NRG3: variants seen among roughly 807,000 people sequenced by gnomAD.
NRG3 encodes pro-neuregulin-3, membrane-bound isoform.
A neutral mutation model predicts 66.9 loss-of-function variants in NRG3; 31 were observed. The ratio of observed to expected loss-of-function variants is 0.46; its 90% confidence interval spans 0.35 to 0.63. The LOEUF is 0.63. Ranked by LOEUF, NRG3 falls within the 20% of genes least tolerant of loss-of-function variation. The pLI is 0.00. For synonymous variants in NRG3, 393 were observed against 359.4 expected (o/e 1.09, Z -1.06); for missense variants, 910 against 878.9 (o/e 1.04, Z -0.45).
At chr10:82,904,951 G>A (rs1267185364) in intron 4 of NRG3, among the ~76,000 whole-genome samples, 2 of 152,142 alleles carry the variant, frequency 1.3e-5, no homozygotes, top group East Asian at 3.9e-4. Context: ...TTTCTATCCT[G>A]TAGAAAGCAT....
chr10:82,390,334 G>GT (rs1198752158), intron 2 of NRG3, among the ~76,000 whole-genome samples: 9 of 150,864 alleles, frequency 6.0e-5, no homozygotes, highest in Non-Finnish European at 7.4e-5. Context: ...GTTTGTTTGT[G>GT]TTTTTTTGTG....
intron 1 of NRG3, among the ~76,000 whole-genome samples, chr10:82,051,963 A>G (rs12260749): frequency 0.032 from 4,917 of 151,998 alleles, 274 homozygotes; most frequent in African/African-American, 0.11. Flanking sequence ...TCTTCCATCT[A>G]AAGGTGGGTC....
intron 1 of NRG3, among the ~76,000 whole-genome samples, chr10:81,963,090 C>T (rs1199403102): frequency 1.4e-5 from 2 of 147,890 alleles, no homozygotes; most frequent in African/African-American, 5.1e-5. Flanking sequence ...AGATGTTCTG[C>T]TCATCTTTGG....
chr10:82,329,050 G>C (rs151101216), intron 1 of NRG3, among the ~76,000 whole-genome samples: 2 of 152,314 alleles, frequency 1.3e-5, no homozygotes, highest in East Asian at 3.9e-4. Flanking sequence ...AGGTATACAG[G>C]GGAGTGGAGA....
At chr10:82,325,185 T>C (rs2081800178) in intron 1 of NRG3, among the ~76,000 whole-genome samples, 2 of 151,880 alleles carry the variant, frequency 1.3e-5, no homozygotes, top group Admixed American at 1.3e-4. Context: ...GTTTTCTTTC[T>C]TCCTTTTTTT....
At chr10:82,253,314 C>G (rs2077571563) in intron 1 of NRG3, among the ~76,000 whole-genome samples, 1 of 152,132 alleles carries the variant, frequency 6.6e-6, no homozygotes, top group Admixed American at 6.6e-5. Flanking sequence ...ATTAGTTGCT[C>G]TCTTCCTACT....
chr10:82,819,367 G>T (rs189958131), intron 3 of NRG3, among the ~76,000 whole-genome samples: 28 of 152,260 alleles, frequency 1.8e-4, no homozygotes, highest in Middle Eastern at 3.4e-3. Flanking sequence ...TAGAAAGCTT[G>T]GTGCTAGGAG....
Position 82,501,927 on chromosome 10 carries a change from C to T in NRG3, c.953+143059C>T, listed in dbSNP as rs368582598. The stretch of plus-strand genomic sequence containing the variant: ...AGGATTGTGTCTCTTCTGTTCACTG[C>T]TGTGTTCATGACACCCCAAACACTG... On this transcript the variant is annotated intron_variant, in intron 2 of 8. Coordinates refer to ENST00000372141, the MANE Select transcript of NRG3 (RefSeq NM_001010848.4). Among the ~76,000 whole-genome samples, 277 of 152,244 alleles carry T rather than the reference C, an allele frequency of 1.8e-3. 4 individuals carry two copies. In the South Asian group the frequency reaches 0.019, roughly 10 times the overall value.
At chr10:82,735,935 T>G (rs77647202) in intron 2 of NRG3, among the ~76,000 whole-genome samples, 4 of 31,020 alleles carry the variant, frequency 1.3e-4, no homozygotes, top group South Asian at 9.1e-4. Context: ...AAAAGAAAGA[T>G]AATAGAATAT....
intron 1 of NRG3, among the ~76,000 whole-genome samples, chr10:82,251,548 CCA>C (rs1267239053): frequency 1.3e-5 from 2 of 152,170 alleles, no homozygotes; most frequent in Non-Finnish European, 2.9e-5. Flanking sequence ...GTGATCCTGA[CCA>C]CAGTCTTGTC....
chr10:82,548,672 G>A (rs1200053567), intron 2 of NRG3, among the ~76,000 whole-genome samples: 1 of 151,926 alleles, frequency 6.6e-6, no homozygotes, highest in Non-Finnish European at 1.5e-5. Flanking sequence ...AGTGAAACAG[G>A]CAAGTGGATA....
intron 1 of NRG3, among the ~76,000 whole-genome samples, chr10:82,269,233 G>A (rs1589533741): frequency 6.6e-6 from 1 of 152,218 alleles, no homozygotes; most frequent in East Asian, 1.9e-4. Context: ...GCCTCTAATA[G>A]GAGGTGGTTG....
rs532211145 is a variant in NRG3, at chr10:82,854,665, C to T, written c.1028-10746C>T. On this transcript the variant is annotated intron_variant, in intron 3 of 8. Transcript: ENST00000372141. Reference sequence around the variant, plus strand: ...GCCTTGCCACTAAATATGAGCCTGACTTGAAGAGTAGTTAACAAAATCATT... The same window carrying T: ...GCCTTGCCACTAAATATGAGCCTGATTTGAAGAGTAGTTAACAAAATCATT... Among the ~76,000 whole-genome samples the T allele has an allele frequency of 3.9e-5, 6 of 152,286 alleles. No individual in the cohort carries two copies. In the South Asian group the frequency reaches 1.2e-3, roughly 32 times the overall value.
intron 1 of NRG3, among the ~76,000 whole-genome samples, chr10:82,224,849 G>T (rs2076098980): frequency 6.6e-6 from 1 of 151,512 alleles, no homozygotes; most frequent in South Asian, 2.1e-4. Context: ...TTTTCACAGG[G>T]GAAAAATTAA....
chr10:82,298,587 TC>T (rs1321026280), intron 1 of NRG3, among the ~76,000 whole-genome samples: 1 of 152,100 alleles, frequency 6.6e-6, no homozygotes, highest in Non-Finnish European at 1.5e-5. Flanking sequence ...AAAGAGTAAG[TC>T]TGAAGTTTAC....
At chr10:82,261,821 G>A (rs1306761548) in intron 1 of NRG3, among the ~76,000 whole-genome samples, 1 of 152,164 alleles carries the variant, frequency 6.6e-6, no homozygotes, top group Non-Finnish European at 1.5e-5. Flanking sequence ...TGGGCCAGGT[G>A]TTCCTTGCCC....
At chr10:82,342,824 G>T (rs2082752858) in intron 1 of NRG3, among the ~76,000 whole-genome samples, 1 of 151,894 alleles carries the variant, frequency 6.6e-6, no homozygotes, top group South Asian at 2.1e-4. Context: ...TGAGGACTTG[G>T]TCATAAATTC....
intron 3 of NRG3, among the ~76,000 whole-genome samples, chr10:82,740,434 G>C (rs1057376302): frequency 5.3e-5 from 8 of 151,964 alleles, no homozygotes; most frequent in Non-Finnish European, 1.2e-4. Flanking sequence ...TGGAGGAGGG[G>C]GTCACCATAA....
At chr10:82,529,889 C>CA (rs367640889) in intron 2 of NRG3, among the ~76,000 whole-genome samples, 64 of 150,848 alleles carry the variant, frequency 4.2e-4, no homozygotes, top group African/African-American at 9.2e-4. Context: ...TATCCATATA[C>CA]AAAAAAAAAG....
Sources: gnomAD v4.1 joint callset for allele counts (sites outside exome capture counted in the v4.1 genomes callset) on GRCh38, gnomAD v4.1.1 for gene constraint, MANE v1.5 for transcripts, NCBI Gene and HGNC (gene_info 2026-07-23, HGNC 2026-07-21) for gene names.